The following ZFP62 variants were observed in gnomAD, a reference collection of about 807,000 sequenced individuals.
ZFP62 encodes ZFP62 zinc finger protein, also known as zinc finger protein 62 homolog.
In ZFP62, 44 loss-of-function variants were observed where a neutral mutation model predicts 56.4. That is an observed-to-expected ratio of 0.78 (90% CI 0.61 to 1.00). The LOEUF (loss-of-function observed/expected upper bound fraction) is 1.00. Ranked by LOEUF, ZFP62 falls within the 50% of genes least tolerant of loss-of-function variation. The pLI is 0.00. For missense variants in ZFP62, 1,030 were observed against 1,085.7 expected, an observed-to-expected ratio of 0.95 and a Z score of 0.72; for synonymous variants, 421 against 388.9, an observed-to-expected ratio of 1.08 and a Z score of -0.97.
chr5:180,837,332 T>C, the ZFP62 span, among the ~76,000 whole-genome samples: 4 of 152,214 alleles, frequency 2.6e-5, no homozygotes, highest in African/African-American at 9.7e-5. Context: ...ACTGTGTTTA[T>C]CTATCACATT....
chr5:180,840,899 T>C, the ZFP62 span, among the ~76,000 whole-genome samples: 2 of 152,080 alleles, frequency 1.3e-5, no homozygotes, highest in African/African-American at 4.8e-5. Flanking sequence ...ACAGTATTTC[T>C]GTTGTTACAT....
intron 1 of ZFP62, among the ~76,000 whole-genome samples, chr5:180,855,738 C>G (rs569140607): frequency 6.6e-6 from 1 of 152,312 alleles, no homozygotes; most frequent in African/African-American, 2.4e-5. Context: ...CTGAAGCTCC[C>G]ACCCCATCCC....
At chr5:180,857,578 GC>G (rs1178100648) in intron 1 of ZFP62, among the ~76,000 whole-genome samples, 1 of 152,144 alleles carries the variant, frequency 6.6e-6, no homozygotes, top group Non-Finnish European at 1.5e-5. Context: ...GCACACTGCA[GC>G]CTCCACCACC....
intron 1 of ZFP62, among the ~76,000 whole-genome samples, chr5:180,853,751 A>G (rs1453348485): frequency 6.6e-6 from 1 of 152,212 alleles, no homozygotes; most frequent in African/African-American, 2.4e-5. Flanking sequence ...GAAGAGGTAC[A>G]AATAATTCAA....
the ZFP62 span, chr5:180,835,671 T>C: frequency 6.6e-6 from 1 of 152,238 alleles, no homozygotes; most frequent in Non-Finnish European, 1.5e-5. Flanking sequence ...TACTTACTAT[T>C]TGTACTTGAA....
intron 1 of ZFP62, among the ~76,000 whole-genome samples, chr5:180,853,043 A>T (rs1215281987): frequency 1.3e-5 from 2 of 152,236 alleles, no homozygotes; most frequent in Non-Finnish European, 1.5e-5. Flanking sequence ...TATCAAAACT[A>T]CATATGCATT....
intron 1 of ZFP62, among the ~76,000 whole-genome samples, chr5:180,857,107 G>T (rs1774028650): frequency 1.3e-5 from 2 of 152,130 alleles, no homozygotes; most frequent in Non-Finnish European, 2.9e-5. Context: ...ATCTGGGGCA[G>T]GCAAAGGGAA....
At chr5:180,828,857 T>C in the ZFP62 span, among the ~76,000 whole-genome samples, 2 of 152,198 alleles carry the variant, frequency 1.3e-5, no homozygotes, top group Admixed American at 6.5e-5. Flanking sequence ...GCTGAATTCT[T>C]TTCCTAGCAA....
chr5:180,850,276 C>T lies in ZFP62; in HGVS notation c.1219G>A (p.Gly407Ser). The T allele has an allele frequency of 6.4e-7, 1 of 1,557,238 alleles. No homozygotes were observed. The highest frequency in any genetic ancestry group is 8.7e-7 in the Non-Finnish European group (1 of 1,150,422). ...TGAATGCTTTTATGGACTGCGAGGC[C>T]TGAGCTATAGCTGAATGCTTTGCCA... Reference protein sequence around the residue: ...VCGKAFSYSSGLAVHKSIHPG... With the variant: ...VCGKAFSYSSSLAVHKSIHPG... Residue 407 changes from glycine to serine, a missense_variant, in exon 2 of 2, where the codon GGC (glycine) becomes AGC (serine). Physicochemically the swap from Gly to Ser is moderately conservative, Grantham distance 56. Coordinates refer to ENST00000502412, the MANE Select transcript of ZFP62 (RefSeq NM_001172638.2).
chr5:180,826,986 C>T, the ZFP62 span, among the ~76,000 whole-genome samples: 1 of 152,152 alleles, frequency 6.6e-6, no homozygotes, highest in African/African-American at 2.4e-5. Flanking sequence ...AAATTGAGTG[C>T]TGGGGAAGGC....
At position 180,849,056 on chromosome 5, in the gene ZFP62, A is replaced by T. The variant is rs760438009; in HGVS notation, c.2439T>A (p.Tyr813Ter). ...TGAAGGATTTCCCACACTCACAATT[A>T]TAGGGCTGCTTCCCCTGGTGGACAC... ...HKSVHQGKQP[Y>*]NCECGKSFNY... Residue 813 changes from tyrosine to a stop codon, truncating the protein, a stop_gained, in exon 2 of 2, where the codon TAT (tyrosine) becomes TAA (stop). Transcript: ENST00000502412. LOFTEE classifies it high-confidence loss of function. The T allele has an allele frequency of 1.9e-5, 29 of 1,551,986 alleles. No homozygotes were observed. Among genetic ancestry groups the T allele is most frequent in the Non-Finnish European group, 2.3e-5 (26 of 1,147,110 alleles).
chr5:180,831,912 CCT>C, the ZFP62 span: 1 of 153,130 alleles, frequency 6.5e-6, no homozygotes. Context: ...TCTAACAAAG[CCT>C]CTGTCTTTCC....
chr5:180,837,269 T>C, the ZFP62 span, among the ~76,000 whole-genome samples: 1 of 152,252 alleles, frequency 6.6e-6, no homozygotes, highest in Non-Finnish European at 1.5e-5. Flanking sequence ...CTCCCCATCT[T>C]TTCTGCTTTT....
Position 180,847,689 on chromosome 5 carries a change from T to C in ZFP62, c.*1103A>G, listed in dbSNP as rs962447483. On this transcript the variant is annotated 3_prime_UTR_variant, in exon 2 of 2. Coordinates refer to ENST00000502412, the MANE Select transcript of ZFP62 (RefSeq NM_001172638.2). Reference sequence around the variant, plus strand: ...GCTGGCTTTCATGACAAAGAGAGAGTGAGCCCTGAACAAAGTATTCGTTAA... The same window carrying C: ...GCTGGCTTTCATGACAAAGAGAGAGCGAGCCCTGAACAAAGTATTCGTTAA... 1.7e-5 allele frequency: 17 copies of C among 985,262 alleles called. No individual in the cohort carries two copies. Among genetic ancestry groups the C allele is most frequent in the Non-Finnish European group, 2.0e-5 (17 of 829,920 alleles). The allele number at this position is 985,262 out of a possible 1,614,324, so 61.0% of individuals were successfully genotyped here.
intron 1 of ZFP62, among the ~76,000 whole-genome samples, chr5:180,855,945 C>G (rs1057244525): frequency 6.6e-6 from 1 of 152,228 alleles, no homozygotes; most frequent in Non-Finnish European, 1.5e-5. Context: ...GCACCTAAAG[C>G]CTTCTGCACC....
rs749104081 is a variant in ZFP62, at chr5:180,849,191, G to C, written c.2304C>G (p.Asn768Lys). 6.4e-7 allele frequency: 1 copy of C among 1,561,196 alleles called. No individual in the cohort carries two copies. The highest frequency in any genetic ancestry group is 1.2e-5 in the South Asian group (1 of 84,584). Reference sequence around the variant, plus strand: ...TTTTATGCACTGTGAGGCCTGAGCTGTTCCTGAAGGCCTTCCCACACCTAT... The same window carrying C: ...TTTTATGCACTGTGAGGCCTGAGCTCTTCCTGAAGGCCTTCCCACACCTAT... ...VCDRCGKAFR[N>K]SSGLTVHKRI... Residue 768 changes from asparagine to lysine, a missense_variant, in exon 2 of 2, where the codon AAC (asparagine) becomes AAG (lysine). Asn to Lys is a moderately conservative substitution (Grantham distance 94). Coordinates refer to ENST00000502412, the MANE Select transcript of ZFP62 (RefSeq NM_001172638.2).
In ZFP62 at chr5:180,850,807, A is replaced by C; in HGVS notation, c.688T>G (p.Cys230Gly). 1 of 1,574,702 alleles carries C rather than the reference A, an allele frequency of 6.4e-7. No individual in the cohort carries two copies. Among genetic ancestry groups the C allele is most frequent in the Non-Finnish European group, 8.6e-7 (1 of 1,160,044 alleles). ...GAGCTATAATTGAAGGATTTTCCAC[A>C]TTCATCACATTTACAGTTCTTCTCC... ...SGEKNCKCDECGKSFNYSSVL... is the reference protein window; with the variant it reads ...SGEKNCKCDEGGKSFNYSSVL... Residue 230 changes from cysteine to glycine, a missense_variant, in exon 2 of 2, where the codon TGT becomes GGT. Physicochemically the swap from Cys to Gly is radical, Grantham distance 159. Coordinates refer to ENST00000502412, the MANE Select transcript of ZFP62 (RefSeq NM_001172638.2).
chr5:180,837,676 T>C, the ZFP62 span, among the ~76,000 whole-genome samples: 3 of 152,234 alleles, frequency 2.0e-5, no homozygotes, highest in Non-Finnish European at 4.4e-5. Context: ...TTGAAATTTA[T>C]GATAATTAAG....
downstream of ZFP62, among the ~76,000 whole-genome samples, chr5:180,847,173 T>C (rs1270638684): frequency 2.0e-5 from 3 of 152,274 alleles, no homozygotes; most frequent in Admixed American, 2.0e-4. Flanking sequence ...TGAAACCAGA[T>C]ACCAGACTTC....
Sources: allele counts gnomAD v4.1 joint callset (sites outside exome capture counted in the v4.1 genomes callset), GRCh38; gene constraint gnomAD v4.1.1; transcripts MANE v1.5; gene names NCBI Gene and HGNC (gene_info 2026-07-23, HGNC 2026-07-21).